Variants in ADNP2 observed in about 807,000 individuals in gnomAD.
ADNP2 encodes ADNP homeobox 2.
A neutral mutation model predicts 16.4 loss-of-function variants in ADNP2; 8 were observed. That is an observed-to-expected ratio of 0.49 (90% CI 0.29 to 0.88). The LOEUF (loss-of-function observed/expected upper bound fraction) is 0.88, where lower values mean the gene tolerates loss of function less well. Ranked by LOEUF, ADNP2 falls within the 40% of genes least tolerant of loss-of-function variation. ADNP2 has a pLI of 0.09. For missense variants in ADNP2, 1,397 were observed against 1,395.1 expected (o/e 1.00, Z -0.02); for synonymous variants, 637 against 545.8 (o/e 1.17, Z -2.33).
chr18:80,133,509 T>G (rs2052511891), intron 3 of ADNP2, among the ~76,000 whole-genome samples: 1 of 152,220 alleles, frequency 6.6e-6, no homozygotes, highest in African/African-American at 2.4e-5. Context: ...GCCACTACAT[T>G]AAGTGCATAC....
intron 1 of ADNP2, among the ~76,000 whole-genome samples, chr18:80,110,421 T>G (rs1599799671): frequency 6.7e-6 from 1 of 150,186 alleles, no homozygotes; most frequent in Admixed American, 6.6e-5. Context: ...TGTGGAGGAG[T>G]GGGGTGGGGG....
At chr18:80,129,559 T>G (rs1456949402) in intron 2 of ADNP2, among the ~76,000 whole-genome samples, 1 of 152,196 alleles carries the variant, frequency 6.6e-6, no homozygotes, top group East Asian at 1.9e-4. Flanking sequence ...TCTGGTACTT[T>G]CTTATAGTGT....
Position 80,138,806 on chromosome 18 carries a change from A to T in ADNP2, c.3393A>T (p.Pro1131=). The T allele has an allele frequency of 6.8e-7, 1 of 1,461,712 alleles. No homozygotes were observed. Among genetic ancestry groups the T allele is most frequent in the South Asian group, 1.4e-5 (1 of 72,698 alleles). 90.5% of individuals were successfully genotyped at this position (1,461,712 alleles called of 1,614,324 possible). A position where few individuals can be genotyped will look rare whatever the true frequency, so the allele number is the denominator to read the frequency against. ...ATAGATTGAACTTTGAATATGAACC[A>T]TAAAACTTGCAAAAAAAAAAAAAAG... is the stretch of plus-strand genomic sequence containing the variant. ...VKHRLNFEYE[P] Residue 1131 remains proline, a synonymous_variant, in exon 4 of 4, where the codon CCA becomes CCT. Transcript: ENST00000262198.
At chr18:80,123,469 C>G (rs2052438149) in intron 2 of ADNP2, among the ~76,000 whole-genome samples, 1 of 151,088 alleles carries the variant, frequency 6.6e-6, no homozygotes, top group Non-Finnish European at 1.5e-5. Context: ...CCTCACAGGC[C>G]AAGCGATTAT....
intron 2 of ADNP2, among the ~76,000 whole-genome samples, chr18:80,127,058 C>CT (rs1375488773): frequency 6.6e-6 from 1 of 152,184 alleles, no homozygotes; most frequent in Non-Finnish European, 1.5e-5. Flanking sequence ...ATTCACAAAA[C>CT]TTTTATTACT....
chr18:80,117,431 T>G, intron 1 of ADNP2, 99 bp from the exon 2 acceptor site: 1 of 640,316 alleles, frequency 1.6e-6, no homozygotes, highest in Non-Finnish European at 2.5e-6. Context: ...TGTTGAAAAT[T>G]ATACTCTATT....
chr18:80,138,979 AGTTAT>A lies in ADNP2; in HGVS notation c.*171_*175del, dbSNP rs1235672949. The A allele has an allele frequency of 1.9e-6, 1 of 525,924 alleles. No homozygotes were observed. Among genetic ancestry groups the A allele is most frequent in the Non-Finnish European group, 3.1e-6 (1 of 322,542 alleles). The allele number at this position is 525,924 out of a possible 1,614,324, so 32.6% of individuals were successfully genotyped here. A position where few individuals can be genotyped will look rare whatever the true frequency, so the allele number is the denominator to read the frequency against. On this transcript the variant is annotated 3_prime_UTR_variant, in exon 4 of 4. Transcript: ENST00000262198. ...AGACCCCTGTTACCAGGAAGCCAGT[AGTTAT>A]TTCACATCTATTGTTTCCTGCAGTT...
At chr18:80,129,361 C>A (rs1347060952) in intron 2 of ADNP2, among the ~76,000 whole-genome samples, 1 of 152,164 alleles carries the variant, frequency 6.6e-6, no homozygotes, top group African/African-American at 2.4e-5. Flanking sequence ...CCTCAGCCTC[C>A]CAAAGTGCTG....
rs773422267 is a variant in ADNP2, at chr18:80,136,382, C to A, written c.969C>A (p.Pro323=). 11 of 1,614,100 alleles carry A rather than the reference C, an allele frequency of 6.8e-6. No individual in the cohort carries two copies. Among genetic ancestry groups the A allele is most frequent in the East Asian group, 2.2e-5 (1 of 44,888 alleles). The part of the protein sequence containing the change: ...QGAPGSLTHS[P]PAAGQSHMTL... ...CCCCTGGAAGCCTCACTCATTCCCC[C>A]CCTGCTGCTGGCCAATCCCACATGA... Residue 323 remains proline (P), a synonymous_variant, in exon 4 of 4, where the codon CCC becomes CCA. Coordinates refer to ENST00000262198, the MANE Select transcript of ADNP2 (RefSeq NM_014913.4).
chr18:80,124,576 A>G (rs2052446030), intron 2 of ADNP2, among the ~76,000 whole-genome samples: 1 of 152,190 alleles, frequency 6.6e-6, no homozygotes, highest in Non-Finnish European at 1.5e-5. Flanking sequence ...GAGTCCATCT[A>G]TCCAGAAGAC....
rs1308964374 is a variant in ADNP2 at position 80,110,889 on chromosome 18, A to G, written c.-14+1417A>G. 3.3e-5 allele frequency among the ~76,000 whole-genome samples: 5 copies of G among 152,222 alleles called. No individual in the cohort carries two copies. In the East Asian group the frequency reaches 9.6e-4, roughly 29 times the overall value. ...GGGGAGGAACAGTGAGGGTTAGGAC[A>G]TGTCTGAAAGGAGTTGATCACTGTT... On this transcript the variant is annotated intron_variant, in intron 1 of 3. Coordinates refer to ENST00000262198, the MANE Select transcript of ADNP2 (RefSeq NM_014913.4).
chr18:80,113,176 TTAAAGAAAATTTTTAAACTTAAAATTTTA>T (rs545173576), intron 1 of ADNP2, among the ~76,000 whole-genome samples: 4 of 152,232 alleles, frequency 2.6e-5, no homozygotes, highest in African/African-American at 4.8e-5. Context: ...GTGCATTTTA[TTAAAGAAAATTTTTAAACTTAAAATTTTA>T]TAAAGAAAAT....
Position 80,137,715 on chromosome 18 carries a change from C to A in ADNP2, c.2302C>A (p.His768Asn), listed in dbSNP as rs774975846. ...EEELIHHLLM[H>N]GLGCLFCPCT... ...AGAGCTTATACACCACTTGCTGATG[C>A]ATGGCTTGGGGTGCTTGTTCTGTCC... Residue 768 changes from histidine to asparagine, a missense_variant, in exon 4 of 4, where the codon CAT (histidine) becomes AAT (asparagine). Transcript: ENST00000262198. The surrounding 1 kb of genome is among the most constrained non-coding windows in gnomAD (Gnocchi z 4.2). The A allele has an allele frequency of 6.2e-7, 1 of 1,614,228 alleles. No homozygotes were observed. The highest frequency in any genetic ancestry group is 8.5e-7 in the Non-Finnish European group (1 of 1,180,038).
chr18:80,131,721 C>G (rs755389064), intron 2 of ADNP2, among the ~76,000 whole-genome samples: 1 of 151,858 alleles, frequency 6.6e-6, no homozygotes, highest in Non-Finnish European at 1.5e-5. Context: ...AAGCTGGAAA[C>G]CATCATTCTG....
At chr18:80,130,754 G>A (rs991903878) in intron 2 of ADNP2, among the ~76,000 whole-genome samples, 2 of 18,922 alleles carry the variant, frequency 1.1e-4, no homozygotes, top group East Asian at 1.9e-3. Flanking sequence ...CCCCGCCCAC[G>A]TCAGGTCAGG....
At chr18:80,122,547 T>C (rs2052431583) in intron 2 of ADNP2, among the ~76,000 whole-genome samples, 2 of 152,252 alleles carry the variant, frequency 1.3e-5, no homozygotes, top group Non-Finnish European at 2.9e-5. Flanking sequence ...CTTTCACTTC[T>C]TTGGTTAAAT....
intron 2 of ADNP2, 44 bp from the exon 3 acceptor site, chr18:80,133,059 C>T (rs2052508401): frequency 1.5e-6 from 2 of 1,332,110 alleles, no homozygotes; most frequent in Non-Finnish European, 2.1e-6. Context: ...ATTTCTTTAT[C>T]TTCTGAATTT....
chr18:80,115,967 A>G (rs34682952), intron 1 of ADNP2, among the ~76,000 whole-genome samples: 128,728 of 152,086 alleles, frequency 0.85, 54,607 homozygotes, highest in Non-Finnish European at 0.87. Flanking sequence ...GCTTCACCAT[A>G]TTGGCCAGGC....
chr18:80,126,388 G>A (rs1192240715), intron 2 of ADNP2, among the ~76,000 whole-genome samples: 12 of 151,984 alleles, frequency 7.9e-5, no homozygotes, highest in African/African-American at 2.4e-4. Context: ...ATCCCTTTGC[G>A]TAGATGTGTA....
Sources: gnomAD v4.1 joint callset for allele counts (sites outside exome capture counted in the v4.1 genomes callset) on GRCh38, gnomAD v4.1.1 for gene constraint, Gnocchi (gnomAD v3.1) non-coding constraint, MANE v1.5 for transcripts, NCBI Gene and HGNC (gene_info 2026-07-23, HGNC 2026-07-21) for gene names.